The following CRMP1 variants were observed in gnomAD, a reference collection of about 807,000 sequenced individuals.
CRMP1 encodes the protein dihydropyrimidinase-related protein 1.
In CRMP1, 19 loss-of-function variants were observed where a neutral mutation model predicts 68.3. The observed-to-expected ratio is 0.28, with a 90% CI of 0.19 to 0.41. CRMP1 has a LOEUF of 0.41. CRMP1 is among the 10% of genes least tolerant of loss of function. The pLI is 1.00. For missense variants in CRMP1, 791 were observed against 967.4 expected, an observed-to-expected ratio of 0.82 and a Z score of 2.42; for synonymous variants, 439 against 399.6, an observed-to-expected ratio of 1.10 and a Z score of -1.18.
At chr4:5,828,855 C>T (rs370639853) in intron 11 of CRMP1, among the ~76,000 whole-genome samples, 187 bp from the exon 12 acceptor site, 3 of 152,222 alleles carry the variant, frequency 2.0e-5, no homozygotes, top group Non-Finnish European at 4.4e-5. Context: ...CAACAACTCA[C>T]CGTTGCGCAT....
rs1017177769 is a variant in CRMP1 at position 5,850,085 on chromosome 4, A to T, written c.883-613T>A. 1.3e-5 allele frequency among the ~76,000 whole-genome samples: 2 copies of T among 152,174 alleles called. No homozygotes were observed. The highest frequency in any genetic ancestry group is 2.9e-5 in the Non-Finnish European group (2 of 68,012). On this transcript the variant is annotated intron_variant, in intron 5 of 13. Transcript: ENST00000324989. This position sits in a 1 kb window ranked among gnomAD's most constrained non-coding sequence, Gnocchi z 4.4. ...CCCAGTGTTCTCTTCCTACCTGAGG[A>T]GAATCTGCATTTGGGCATTGCCCCT...
chr4:5,889,351 G>C lies in CRMP1; in HGVS notation c.381+3238C>G, dbSNP rs2152477621. On this transcript the variant is annotated intron_variant, in intron 1 of 13. Coordinates refer to ENST00000324989, the MANE Select transcript of CRMP1 (RefSeq NM_001014809.3). This position sits in a 1 kb window ranked among gnomAD's most constrained non-coding sequence, Gnocchi z 4.5. ...CAGGTGTTTGGAGGGCTGGGCCACT[G>C]GCACCAAGGTCTCCACAGCCCTGGG... Among the ~76,000 whole-genome samples the C allele has an allele frequency of 6.6e-6, 1 of 152,292 alleles. No individual in the cohort carries two copies. Among genetic ancestry groups the C allele is most frequent in the Admixed American group, 6.5e-5 (1 of 15,294 alleles).
In CRMP1 at chr4:5,877,671, A is replaced by G. The variant is rs1191929190; in HGVS notation, c.382-10915T>C. On this transcript the variant is annotated intron_variant, in intron 1 of 13. Transcript: ENST00000324989. This position sits in a 1 kb window ranked among gnomAD's most constrained non-coding sequence, Gnocchi z 4.3. The stretch of plus-strand genomic sequence containing the variant: ...GTTCCCCCTCTCACGGGTAGGGGAC[A>G]GGGCGGCTTTCCCCCTTTCATGAAT... Among the ~76,000 whole-genome samples the G allele has an allele frequency of 2.0e-5, 3 of 152,198 alleles. No homozygotes were observed. The highest frequency in any genetic ancestry group is 7.2e-5 in the African/African-American group (3 of 41,452).
chr4:5,824,230 A>G (rs1719166569), intron 13 of CRMP1: 1 of 930,388 alleles, frequency 1.1e-6, no homozygotes, highest in Non-Finnish European at 1.3e-6. Flanking sequence ...TGTTGCACCC[A>G]GATAGCTTTT....
At chr4:5,832,936 C>T (rs575460734) in intron 11 of CRMP1, among the ~76,000 whole-genome samples, 5 of 152,186 alleles carry the variant, frequency 3.3e-5, no homozygotes, top group South Asian at 2.1e-4. Context: ...GTGTGGTAGG[C>T]GCAAAATCCA....
chr4:5,858,894 C>T lies in CRMP1; in HGVS notation c.655+2132G>A, dbSNP rs1482905670. Among the ~76,000 whole-genome samples the T allele has an allele frequency of 2.0e-5, 3 of 152,324 alleles. No homozygotes were observed. The highest frequency in any genetic ancestry group is 7.2e-5 in the African/African-American group (3 of 41,574). Reference sequence around the variant, plus strand: ...GGGAGGTGTGTTCTCACCTCAGGGCCTTTGCACATGCTATTCCCTCCTCCT... The same window carrying T: ...GGGAGGTGTGTTCTCACCTCAGGGCTTTTGCACATGCTATTCCCTCCTCCT... On this transcript the variant is annotated intron_variant, in intron 3 of 13. Transcript: ENST00000324989. The surrounding 1 kb of genome is among the most constrained non-coding windows in gnomAD (Gnocchi z 5.5).
intron 13 of CRMP1, among the ~76,000 whole-genome samples, chr4:5,823,911 C>T (rs1719102797): frequency 6.6e-6 from 1 of 152,178 alleles, no homozygotes; most frequent in Non-Finnish European, 1.5e-5. Context: ...TTAAAAAGGG[C>T]ATCTGTGAGG....
chr4:5,823,958 C>G (rs1719115618), intron 13 of CRMP1, among the ~76,000 whole-genome samples: 1 of 152,148 alleles, frequency 6.6e-6, no homozygotes, highest in Non-Finnish European at 1.5e-5. Flanking sequence ...GTTGTTGGTA[C>G]CAAATGAAGT....
intron 1 of CRMP1, chr4:5,887,698 C>T (rs908106008): frequency 1.0e-6 from 1 of 985,600 alleles, no homozygotes; most frequent in South Asian, 4.7e-5. Context: ...GAGCTTCCAT[C>T]ATGGCGCTGT....
Position 5,821,976 on chromosome 4 carries a change from A to C in CRMP1, c.1970-125T>G. The C allele has an allele frequency of 1.3e-4, 108 of 834,160 alleles. No homozygotes were observed. The allele number at this position is 834,160 out of a possible 1,614,324, so 51.7% of individuals were successfully genotyped here. ...ACCTTCATTCAGGGCTCAGTCCAGGACCAGCCATGGGAAGCCTCCCTGGCC... is the reference window on the plus strand; with the variant it reads ...ACCTTCATTCAGGGCTCAGTCCAGGCCCAGCCATGGGAAGCCTCCCTGGCC... On this transcript the variant is annotated intron_variant, in intron 13 of 13. Transcript: ENST00000324989. The surrounding 1 kb of genome is among the most constrained non-coding windows in gnomAD (Gnocchi z 4.4).
Position 5,821,530 on chromosome 4 carries a change from A to G in CRMP1, c.*230T>C. On this transcript the variant is annotated 3_prime_UTR_variant, in exon 14 of 14. Coordinates refer to ENST00000324989, the MANE Select transcript of CRMP1 (RefSeq NM_001014809.3). This position sits in a 1 kb window ranked among gnomAD's most constrained non-coding sequence, Gnocchi z 4.4. ...ACTAGGAAGGGGGAATGAAAACACCATGCTCCGAGGTGGATTCAGCATGAA... is the reference window on the plus strand; with the variant it reads ...ACTAGGAAGGGGGAATGAAAACACCGTGCTCCGAGGTGGATTCAGCATGAA... 1 of 546,454 alleles carries G rather than the reference A, an allele frequency of 1.8e-6. No homozygotes were observed. Among genetic ancestry groups the G allele is most frequent in the Non-Finnish European group, 3.3e-6 (1 of 305,126 alleles). The allele number at this position is 546,454 out of a possible 1,614,324, so 33.9% of individuals were successfully genotyped here.
rs774857712 is a variant in CRMP1 at position 5,835,959 on chromosome 4, C to T, written c.1579G>A (p.Asp527Asn). ...VGSDADVVIWDPDKLKTITAK... is the reference protein window; with the variant it reads ...VGSDADVVIWNPDKLKTITAK... ...GTTATGGTCTTCAACTTGTCGGGGTCCCAGATGACCACGTCGGCATCCGAG... is the reference window on the plus strand; with the variant it reads ...GTTATGGTCTTCAACTTGTCGGGGTTCCAGATGACCACGTCGGCATCCGAG... Residue 527 changes from aspartate (D) to asparagine (N), a missense_variant, in exon 11 of 14, where the codon GAC becomes AAC. Transcript: ENST00000324989. The T allele has an allele frequency of 3.8e-6, 6 of 1,590,412 alleles. No individual in the cohort carries two copies. The highest frequency in any genetic ancestry group is 5.1e-6 in the Non-Finnish European group (6 of 1,168,518).
In CRMP1 at chr4:5,865,058, C is replaced by CT. The variant is rs143747918; in HGVS notation, c.470+1609dup. Among the ~76,000 whole-genome samples the CT allele has an allele frequency of 0.019, 2,879 of 151,916 alleles. 101 individuals are homozygous for CT. The highest frequency in any genetic ancestry group is 0.065 in the African/African-American group (2,688 of 41,344). ...CAATGCCCCCAATACTCCACAGCCCCTTTCCCCCAGCCTCCTCCTCCTCCT... is the reference window on the plus strand; with the variant it reads ...CAATGCCCCCAATACTCCACAGCCCCTTTTCCCCCAGCCTCCTCCTCCTCCT... On this transcript the variant is annotated intron_variant, in intron 2 of 13. Transcript: ENST00000324989. This position sits in a 1 kb window ranked among gnomAD's most constrained non-coding sequence, Gnocchi z 4.1.
intron 12 of CRMP1, 172 bp downstream of exon 12, chr4:5,828,317 T>C: frequency 1.0e-5 from 10 of 984,948 alleles, no homozygotes; most frequent in Non-Finnish European, 1.2e-5. Flanking sequence ...TGCTCACTCC[T>C]GTCCTCAGAC....
rs1477165689 is a variant in CRMP1, at chr4:5,892,552, G to T, written c.381+37C>A. 2 of 1,168,316 alleles carry T rather than the reference G, an allele frequency of 1.7e-6. No individual in the cohort carries two copies. The highest frequency in any genetic ancestry group is 2.1e-6 in the Non-Finnish European group (2 of 946,974). 72.4% of individuals were successfully genotyped at this position (1,168,316 alleles called of 1,614,324 possible). ...CATGCCCTGGGTCCTCCCGGGGCCCGCCCCCCTCGTCTGGCCCGCGCGCGC... is the reference window on the plus strand; with the variant it reads ...CATGCCCTGGGTCCTCCCGGGGCCCTCCCCCCTCGTCTGGCCCGCGCGCGC... On this transcript the variant is annotated intron_variant, in intron 1 of 13. Transcript: ENST00000324989. The surrounding 1 kb of genome is among the most constrained non-coding windows in gnomAD (Gnocchi z 8.6).
intron 1 of CRMP1, among the ~76,000 whole-genome samples, chr4:5,882,061 T>A (rs10937688): frequency 4.6e-5 from 7 of 151,952 alleles, no homozygotes; most frequent in Non-Finnish European, 8.8e-5. Context: ...ACCACCTCAT[T>A]ATCAGCTTCC....
intron 8 of CRMP1, 40 bp from the exon 9 acceptor site, chr4:5,839,718 C>CT: frequency 1.9e-6 from 3 of 1,579,126 alleles, no homozygotes; most frequent in Non-Finnish European, 2.6e-6. Flanking sequence ...AAAGCAAATA[C>CT]TCTCTTGAGG....
At chr4:5,836,187 C>G in intron 10 of CRMP1, 102 bp from the exon 11 acceptor site, 1 of 1,074,900 alleles carries the variant, frequency 9.3e-7, no homozygotes, top group East Asian at 2.9e-5. Context: ...CCTTGCAAGG[C>G]TTGGAATTCT....
intron 11 of CRMP1, among the ~76,000 whole-genome samples, chr4:5,833,271 A>T (rs1370347669): frequency 1.1e-5 from 1 of 94,832 alleles, no homozygotes; most frequent in Admixed American, 1.0e-4. Flanking sequence ...GGTTCACGCC[A>T]TTCTCCTGCC....
Sources: allele counts gnomAD v4.1 joint callset (sites outside exome capture counted in the v4.1 genomes callset), GRCh38; gene constraint gnomAD v4.1.1; non-coding constraint Gnocchi (gnomAD v3.1); transcripts MANE v1.5; gene names NCBI Gene and HGNC (gene_info 2026-07-23, HGNC 2026-07-21).